Variants in ABCA13 observed in about 807,000 individuals in gnomAD.
The protein encoded by ABCA13 is ATP binding cassette subfamily A member 13.
In ABCA13, 476 loss-of-function variants were observed where a neutral mutation model predicts 478.7. That is an observed-to-expected ratio of 0.99 (90% CI 0.92 to 1.07). The LOEUF (loss-of-function observed/expected upper bound fraction) is 1.07, where lower values mean the gene tolerates loss of function less well. Ranked by LOEUF, ABCA13 falls within the 50% of genes least tolerant of loss-of-function variation. The probability of loss-of-function intolerance (pLI) is 0.00; values close to 1 mark genes in which losing one functional copy is unlikely to be tolerated. For synonymous variants in ABCA13, 2,252 were observed against 2,158.9 expected, an observed-to-expected ratio of 1.04 and a Z score of -1.20; for missense variants, 6,060 against 5,910.6, an observed-to-expected ratio of 1.03 and a Z score of -0.83.
intron 20 of ABCA13, among the ~76,000 whole-genome samples, chr7:48,288,609 C>A (rs982321156): frequency 4.6e-5 from 7 of 151,318 alleles, no homozygotes; most frequent in African/African-American, 1.7e-4. Flanking sequence ...AGCTTTTGCA[C>A]CATGGAAATT....
intron 20 of ABCA13, among the ~76,000 whole-genome samples, chr7:48,294,604 G>A (rs569744583): frequency 0.011 from 1,620 of 151,336 alleles, 13 homozygotes; most frequent in Admixed American, 0.024. Flanking sequence ...CCGCCACCGC[G>A]CCCGGCTAAT....
At chr7:48,326,338 G>A (rs1448598021) in intron 27 of ABCA13, among the ~76,000 whole-genome samples, 2 of 152,204 alleles carry the variant, frequency 1.3e-5, no homozygotes, top group African/African-American at 4.8e-5. Flanking sequence ...AATGAAGGGT[G>A]AATTTCAAGT....
chr7:48,592,030 T>C (rs559004084), intron 57 of ABCA13, among the ~76,000 whole-genome samples: 1 of 152,052 alleles, frequency 6.6e-6, no homozygotes, highest in South Asian at 2.1e-4. Flanking sequence ...CCTTGTCTTG[T>C]TCTTCTTAGA....
In ABCA13 at chr7:48,275,131, T is replaced by A; in HGVS notation, c.5465T>A (p.Val1822Asp). 2 of 1,613,824 alleles carry A rather than the reference T, an allele frequency of 1.2e-6. No individual in the cohort carries two copies. Among genetic ancestry groups the A allele is most frequent in the Non-Finnish European group, 1.7e-6 (2 of 1,179,818 alleles). ...GAGGCTTTAGCTTGTTTTCCTGTGG[T>A]TTGGTGCTGGAATCACACAAATTCT... ...ISEALACFPVVWCWNHTNSGF... is the reference protein window; with the variant it reads ...ISEALACFPVDWCWNHTNSGF... Residue 1822 changes from valine (V) to aspartate (D), a missense_variant, in exon 17 of 62, where the codon GTT becomes GAT. Transcript: ENST00000435803.
At chr7:48,550,265 C>CTTTTCTTTTTT (rs1554562152) in intron 55 of ABCA13, among the ~76,000 whole-genome samples, 3 of 148,330 alleles carry the variant, frequency 2.0e-5, no homozygotes, top group Non-Finnish European at 4.5e-5. Flanking sequence ...CTCTATTTTT[C>CTTTTCTTTTTT]TTTTTTTTGG....
chr7:48,388,079 C>A, intron 36 of ABCA13, 120 bp downstream of exon 36: 2 of 1,060,522 alleles, frequency 1.9e-6, no homozygotes, highest in African/African-American at 1.6e-5. Flanking sequence ...GAGAGACTTA[C>A]ATTTAGGCTG....
chr7:48,199,100 A>G (rs755485039), intron 3 of ABCA13, among the ~76,000 whole-genome samples: 41 of 152,196 alleles, frequency 2.7e-4, no homozygotes, highest in Non-Finnish European at 5.0e-4. Flanking sequence ...TTTAATCTAT[A>G]TTTACTAATA....
Position 48,229,834 on chromosome 7 carries a change from A to G in ABCA13, c.642A>G (p.Ile214Met). The change falls in exon 7 of 62, where the codon ATA becomes ATG. Residue 214 changes from isoleucine to methionine, a missense_variant. Around this residue, in one of 3 missense-constraint regions of ABCA13, gnomAD observed 4,423 missense variants for 4,309.1 expected, o/e 1.03. Coordinates refer to ENST00000435803, the MANE Select transcript of ABCA13 (RefSeq NM_152701.5). ...NLLQTILNSL[I>M]SLEDLDWLPL... ...TTTGTTTTGGTTCTAGTTCCTTAATATCCCTAGAAGATTTAGATTGGCTTC... is the reference window on the plus strand; with the variant it reads ...TTTGTTTTGGTTCTAGTTCCTTAATGTCCCTAGAAGATTTAGATTGGCTTC... 6.2e-7 allele frequency: 1 copy of G among 1,613,938 alleles called. No individual in the cohort carries two copies. Among genetic ancestry groups the G allele is most frequent in the Admixed American group, 1.7e-5 (1 of 60,020 alleles).
rs1423198635 is a variant in ABCA13 at position 48,278,715 on chromosome 7, T to A, written c.7521T>A (p.Asn2507Lys). 1.9e-6 allele frequency: 3 copies of A among 1,613,870 alleles called. No homozygotes were observed. Among genetic ancestry groups the A allele is most frequent in the Non-Finnish European group, 2.5e-6 (3 of 1,179,884 alleles). The change falls in exon 18 of 62, where the codon AAT becomes AAA. Residue 2507 changes from asparagine to lysine, a missense_variant. Physicochemically the swap from Asn to Lys is moderately conservative, Grantham distance 94. Transcript: ENST00000435803. ...EMSGTLVMLL[N>K]DSADLRDLAT... Reference sequence around the variant, plus strand: ...CTGGGACTCTGGTCATGCTGTTGAATGACAGTGCTGACCTGAGAGATCTTG... The same window carrying A: ...CTGGGACTCTGGTCATGCTGTTGAAAGACAGTGCTGACCTGAGAGATCTTG...
intron 35 of ABCA13, among the ~76,000 whole-genome samples, chr7:48,385,910 T>C (rs1815109657): frequency 6.6e-6 from 1 of 152,174 alleles, no homozygotes; most frequent in African/African-American, 2.4e-5. Flanking sequence ...CTAATTATCA[T>C]TGATGTTGAG....
intron 26 of ABCA13, among the ~76,000 whole-genome samples, 165 bp downstream of exon 26, chr7:48,314,574 C>T (rs17712573): frequency 0.14 from 20,799 of 152,088 alleles, 1,498 homozygotes; most frequent in East Asian, 0.18. Flanking sequence ...TGACTTTGAA[C>T]GGTTCTAGTG....
chr7:48,619,511 T>C (rs1469871922), intron 59 of ABCA13, among the ~76,000 whole-genome samples: 2 of 152,336 alleles, frequency 1.3e-5, no homozygotes, highest in East Asian at 3.9e-4. Flanking sequence ...CTTTAACAAA[T>C]GTTTATTGAA....
intron 1 of ABCA13, among the ~76,000 whole-genome samples, chr7:48,181,092 G>A (rs151049255): frequency 1.1e-4 from 16 of 152,292 alleles, no homozygotes; most frequent in African/African-American, 3.6e-4. Flanking sequence ...GAAGGGACCC[G>A]CAGTTCCTGT....
At chr7:48,309,210 C>T (rs540829406) in intron 23 of ABCA13, among the ~76,000 whole-genome samples, 1 of 152,148 alleles carries the variant, frequency 6.6e-6, no homozygotes, top group South Asian at 2.1e-4. Flanking sequence ...TAGGTTCATG[C>T]ACTTCGGCCT....
chr7:48,646,278 T>C lies in ABCA13; in HGVS notation c.*766T>C, dbSNP rs944296426. 1 of 152,166 alleles carries C rather than the reference T, an allele frequency of 6.6e-6. No individual in the cohort carries two copies. Among genetic ancestry groups the C allele is most frequent in the Non-Finnish European group, 1.5e-5 (1 of 68,054 alleles). The allele number at this position is 152,166 out of a possible 1,614,324, so 9.4% of individuals were successfully genotyped here. A position where few individuals can be genotyped will look rare whatever the true frequency, so the allele number is the denominator to read the frequency against. ...TTTCTTCATTTGGATGAATAATTACTGTTTTTTGTTATTCTAAGTCAGTGT... is the reference window on the plus strand; with the variant it reads ...TTTCTTCATTTGGATGAATAATTACCGTTTTTTGTTATTCTAAGTCAGTGT... On this transcript the variant is annotated 3_prime_UTR_variant, in exon 62 of 62. Transcript: ENST00000435803.
chr7:48,308,754 A>T (rs987681027), intron 23 of ABCA13, among the ~76,000 whole-genome samples: 3 of 151,680 alleles, frequency 2.0e-5, no homozygotes, highest in Admixed American at 1.3e-4. Context: ...ATACTACTGT[A>T]TTTTTACTGT....
rs552255415 is a variant in ABCA13 at position 48,462,448 on chromosome 7, C to G, written c.12816-4508C>G. Among the ~76,000 whole-genome samples, 7 of 151,864 alleles carry G rather than the reference C, an allele frequency of 4.6e-5. No homozygotes were observed. In the East Asian group the frequency reaches 1.2e-3, roughly 25 times the overall value. On this transcript the variant is annotated intron_variant, in intron 43 of 61. Transcript: ENST00000435803. ...TTATCCTTGGAGTAAAGGATTCCCC[C>G]CCCCCTACTGTTTCCTTATCAAAAC...
intron 32 of ABCA13, among the ~76,000 whole-genome samples, chr7:48,370,813 C>T (rs903506431): frequency 1.3e-5 from 2 of 152,026 alleles, no homozygotes; most frequent in African/African-American, 2.4e-5. Flanking sequence ...AAGGGTCACA[C>T]GTCATGGAAC....
rs142391487 is a variant in ABCA13, at chr7:48,274,554, C to G, written c.4888C>G (p.Leu1630Val). The change falls in exon 17 of 62, where the codon CTT (leucine) becomes GTT (valine). Residue 1630 changes from leucine to valine, a missense_variant. By Grantham distance (32) the Leu-to-Val change is conservative (BLOSUM62 1). This residue lies in a region of ABCA13 where 4,423 missense variants were observed against 4,309.1 expected (regional missense o/e 1.03). Transcript: ENST00000435803. Reference sequence around the variant, plus strand: ...ACCTGAAATAATGAAAGCTACAGGTCTTGGTATTCAACTGATAAGGGATGT... The same window carrying G: ...ACCTGAAATAATGAAAGCTACAGGTGTTGGTATTCAACTGATAAGGGATGT... ...ISPEIMKATG[L>V]GIQLIRDVFN... 8.9e-3 allele frequency: 14,286 copies of G among 1,613,824 alleles called. 85 individuals carry two copies. The highest frequency in any genetic ancestry group is 0.011 in the South Asian group (1,005 of 91,074).
Sources: allele counts gnomAD v4.1 joint callset (sites outside exome capture counted in the v4.1 genomes callset), GRCh38; gene constraint gnomAD v4.1.1; regional missense constraint gnomAD v4.1.1; transcripts MANE v1.5; gene names NCBI Gene and HGNC (gene_info 2026-07-23, HGNC 2026-07-21).